Variants in ZNF18 observed in about 807,000 individuals in gnomAD.
The protein encoded by ZNF18 is zinc finger protein 18.
Under a neutral mutation model 58.1 loss-of-function variants are expected in ZNF18, and 42 were observed. That is an observed-to-expected ratio of 0.72 (90% CI 0.56 to 0.93). ZNF18 has a LOEUF of 0.93. Among genes scored for constraint, ZNF18 ranks in the 40% least tolerant of loss-of-function variants. The pLI is 0.00. For missense variants in ZNF18, 540 were observed against 644.2 expected, an observed-to-expected ratio of 0.84 and a Z score of 1.75; for synonymous variants, 231 against 239.8, an observed-to-expected ratio of 0.96 and a Z score of 0.34.
Position 11,990,625 on chromosome 17 carries a change from C to G in ZNF18, c.578-75G>C, listed in dbSNP as rs1462786324. On this transcript the variant is annotated intron_variant, in intron 3 of 6. Coordinates refer to ENST00000580306, the MANE Select transcript of ZNF18 (RefSeq NM_001303281.2). ...CTCCCCAGAGGGCGCAGATAACAAT[C>G]TTCACAAATCAGAACAATACCTGAA... 3.0e-5 allele frequency: 36 copies of G among 1,192,908 alleles called. No homozygotes were observed. In the South Asian group the frequency reaches 4.5e-4, roughly 15 times the overall value. 73.9% of individuals were successfully genotyped at this position (1,192,908 alleles called of 1,614,324 possible).
At chr17:12,014,194 C>T in the ZNF18 span, among the ~76,000 whole-genome samples, 1 of 152,202 alleles carries the variant, frequency 6.6e-6, no homozygotes, top group African/African-American at 2.4e-5. Context: ...TAGTGGGAAT[C>T]TGAAATGATG....
rs1967276237 is a variant in ZNF18, at chr17:11,980,594, T to C, written c.863-1850A>G. ...CGCCACTATGCCCAGCTAATTTTTG[T>C]AGTGTAGTTAGATGGGGTTTCACCA... is the stretch of plus-strand genomic sequence containing the variant. On this transcript the variant is annotated intron_variant, in intron 6 of 6. Coordinates refer to ENST00000580306, the MANE Select transcript of ZNF18 (RefSeq NM_001303281.2). Among the ~76,000 whole-genome samples the C allele has an allele frequency of 2.0e-5, 3 of 152,050 alleles. No homozygotes were observed. The South Asian group carries it at 6.2e-4, about 32-fold the overall frequency.
intron 6 of ZNF18, 130 bp from the exon 7 acceptor site, chr17:11,978,874 T>G: frequency 3.4e-6 from 2 of 583,228 alleles, no homozygotes; most frequent in South Asian, 2.8e-5. Flanking sequence ...TTTAGGGCAT[T>G]AGTAAGTGAG....
chr17:12,021,304 C>T, the ZNF18 span: 276 of 197,836 alleles, frequency 1.4e-3, 1 homozygote, highest in African/African-American at 6.1e-3. Flanking sequence ...CGGCCGTCCC[C>T]ATCGCCCCCG....
upstream of ZNF18, chr17:11,998,377 A>AC (rs1968588323): frequency 6.6e-6 from 1 of 152,238 alleles, no homozygotes; most frequent in South Asian, 2.1e-4. Context: ...GCAACTGGCA[A>AC]AGAGGAGGGT....
the ZNF18 span, among the ~76,000 whole-genome samples, chr17:12,015,222 C>T: frequency 6.6e-6 from 1 of 152,184 alleles, no homozygotes; most frequent in African/African-American, 2.4e-5. Context: ...ATGCCCTCCC[C>T]CAACTAATTA....
At chr17:11,984,328 A>C in intron 4 of ZNF18, 131 bp from the exon 5 acceptor site, 1 of 816,368 alleles carries the variant, frequency 1.2e-6, no homozygotes. Flanking sequence ...GCAAGACCTG[A>C]GAAATCCCAG....
the ZNF18 span, among the ~76,000 whole-genome samples, chr17:12,013,980 A>G: frequency 6.6e-6 from 1 of 152,238 alleles, no homozygotes; most frequent in Admixed American, 6.5e-5. Flanking sequence ...ACGAGAGTTC[A>G]TGTTTTGGTA....
chr17:11,982,872 G>A (rs183144301), intron 6 of ZNF18, among the ~76,000 whole-genome samples: 51 of 152,214 alleles, frequency 3.4e-4, no homozygotes, highest in African/African-American at 1.2e-3. Flanking sequence ...TAGGTGCATA[G>A]GGATTAGATA....
chr17:11,992,431 C>T lies in ZNF18; in HGVS notation c.387+12G>A, dbSNP rs1398492578. On this transcript the variant is annotated intron_variant, in intron 2 of 6. Transcript: ENST00000580306. The stretch of plus-strand genomic sequence containing the variant: ...TGTGTTTCACTCGCAGATCATAATA[C>T]CCTCTGCTTACCCATTGCCACAGTC... 6.2e-7 allele frequency: 1 copy of T among 1,610,702 alleles called. No homozygotes were observed. Among genetic ancestry groups the T allele is most frequent in the African/African-American group, 1.3e-5 (1 of 74,868 alleles).
chr17:12,010,756 T>C, the ZNF18 span: 3 of 311,612 alleles, frequency 9.6e-6, no homozygotes, highest in South Asian at 8.4e-5. Context: ...CATGAATTCA[T>C]AGGGAATATG....
upstream of ZNF18, among the ~76,000 whole-genome samples, chr17:12,001,173 G>T (rs1385667255): frequency 6.6e-6 from 1 of 152,106 alleles, no homozygotes; most frequent in Non-Finnish European, 1.5e-5. Context: ...CACTAAAGAG[G>T]AGCTTAAAGT....
Position 11,991,056 on chromosome 17 carries a change from C to T in ZNF18, c.495G>A (p.Leu165=). The change falls in exon 3 of 7, where the codon TTG becomes TTA. Residue 165 remains leucine (L), a synonymous_variant. Coordinates refer to ENST00000580306, the MANE Select transcript of ZNF18 (RefSeq NM_001303281.2). ...EPHLEVVPQE[L]GLENSSSGPG... is the part of the protein sequence containing the mutation. ...GCCCTGAGGATGAATTCTCAAGTCC[C>T]AACTCCTGAGGCACCACTTCAAGAT... 6.2e-7 allele frequency: 1 copy of T among 1,614,178 alleles called. No individual in the cohort carries two copies. The highest frequency in any genetic ancestry group is 1.7e-5 in the Admixed American group (1 of 60,018).
At chr17:11,993,825 C>CAAAAA (rs386385680) in intron 1 of ZNF18, among the ~76,000 whole-genome samples, 21,610 of 70,928 alleles carry the variant, frequency 0.3, 5,652 homozygotes, top group East Asian at 0.38. Flanking sequence ...CTCCGTCTCA[C>CAAAAA]AAAAAAAAAA....
At chr17:11,995,343 G>A (rs1179385515) in intron 1 of ZNF18, among the ~76,000 whole-genome samples, 1 of 147,516 alleles carries the variant, frequency 6.8e-6, no homozygotes, top group Non-Finnish European at 1.5e-5. Flanking sequence ...AACCCAAGGG[G>A]GCAGAGGTTG....
the ZNF18 span, among the ~76,000 whole-genome samples, chr17:12,005,731 T>C: frequency 0.25 from 38,383 of 152,118 alleles, 5,390 homozygotes; most frequent in Middle Eastern, 0.36. Context: ...GTGAGAACTT[T>C]ATTCAATAAA....
At chr17:11,982,657 A>AGTGTGTGTGTGTGTGTGTGTGTGTGTGT (rs143602913) in intron 6 of ZNF18, among the ~76,000 whole-genome samples, 1 of 136,720 alleles carries the variant, frequency 7.3e-6, no homozygotes, top group Non-Finnish European at 1.6e-5. Context: ...TATATATAAA[A>AGTGTGTGTGTGTGTGTGTGTGTGTGTGT]GTGTGTGTGT....
chr17:11,993,025 A>C, intron 1 of ZNF18, 114 bp from the exon 2 acceptor site: 1 of 614,408 alleles, frequency 1.6e-6, no homozygotes, highest in Non-Finnish European at 2.8e-6. Flanking sequence ...AGCTTTTGAA[A>C]TTGCTCAATG....
rs1967563777 is a variant in ZNF18, at chr17:11,984,145, A to G, written c.719T>C (p.Met240Thr). ...GACCATTTTCCCATAGGTCTCCAGC[A>G]TGAGATCCCAGTATTGCTCCTTTTG... is the stretch of plus-strand genomic sequence containing the variant. Reference protein sequence around the residue: ...STQKEQYWDLMLETYGKMVSG... With the variant: ...STQKEQYWDLTLETYGKMVSG... Residue 240 changes from methionine (M) to threonine (T), a missense_variant, in exon 5 of 7, where the codon ATG (methionine) becomes ACG (threonine). By Grantham distance (81) the Met-to-Thr change is moderately conservative (BLOSUM62 -1). Coordinates refer to ENST00000580306, the MANE Select transcript of ZNF18 (RefSeq NM_001303281.2). The G allele has an allele frequency of 4.3e-6, 7 of 1,613,092 alleles. No individual in the cohort carries two copies. Among genetic ancestry groups the G allele is most frequent in the Non-Finnish European group, 5.9e-6 (7 of 1,179,690 alleles).
Sources: allele counts gnomAD v4.1 joint callset (sites outside exome capture counted in the v4.1 genomes callset), GRCh38; gene constraint gnomAD v4.1.1; transcripts MANE v1.5; gene names NCBI Gene and HGNC (gene_info 2026-07-23, HGNC 2026-07-21).